SPINK5: variants seen among roughly 807,000 people sequenced by gnomAD.
SPINK5 encodes serine protease inhibitor Kazal-type 5.
Under a neutral mutation model 151.8 loss-of-function variants are expected in SPINK5, and 125 were observed. The observed-to-expected ratio is 0.82, with a 90% CI of 0.71 to 0.96. The LOEUF (loss-of-function observed/expected upper bound fraction) is 0.96. Ranked by LOEUF, SPINK5 falls within the 40% of genes least tolerant of loss-of-function variation. The pLI is 0.00. For missense variants in SPINK5, 1,194 were observed against 1,291.9 expected, an observed-to-expected ratio of 0.92 and a Z score of 1.16; for synonymous variants, 374 against 395.3, an observed-to-expected ratio of 0.95 and a Z score of 0.64.
chr5:148,108,492 A>T (rs1354922675), intron 17 of SPINK5, among the ~76,000 whole-genome samples: 1 of 152,154 alleles, frequency 6.6e-6, no homozygotes, highest in Admixed American at 6.6e-5. Flanking sequence ...TTAGCGACGT[A>T]CAAAAAATAA....
intron 29 of SPINK5, among the ~76,000 whole-genome samples, chr5:148,126,743 C>A (rs903925097): frequency 1.3e-5 from 2 of 152,048 alleles, no homozygotes; most frequent in African/African-American, 2.4e-5. Context: ...AGGTGTGCAC[C>A]ACCATGCCCA....
At chr5:148,133,971 G>T in intron 32 of SPINK5, 84 bp downstream of exon 32, 1 of 1,411,494 alleles carries the variant, frequency 7.1e-7, no homozygotes. Context: ...CTGAGTAATG[G>T]ACATTTATCT....
chr5:148,072,361 G>A (rs1241106689), intron 4 of SPINK5, 141 bp downstream of exon 4: 7 of 841,544 alleles, frequency 8.3e-6, no homozygotes, highest in Non-Finnish European at 1.2e-5. Context: ...GGTTAGTCCA[G>A]GGGTGGGCTA....
chr5:148,072,713 AT>A (rs66477964), intron 4 of SPINK5, among the ~76,000 whole-genome samples: 107,897 of 151,390 alleles, frequency 0.71, 39,071 homozygotes, highest in East Asian at 0.91. Context: ...CATTTGACTC[AT>A]TCTGTTTCCT....
At chr5:148,111,580 A>G (rs1753929275) in intron 18 of SPINK5, among the ~76,000 whole-genome samples, 188 bp from the exon 19 acceptor site, 1 of 152,216 alleles carries the variant, frequency 6.6e-6, no homozygotes, top group Non-Finnish European at 1.5e-5. Flanking sequence ...CTAATGAGAT[A>G]AATAACAGCA....
intron 11 of SPINK5, among the ~76,000 whole-genome samples, chr5:148,098,474 T>A (rs1753535589): frequency 8.2e-6 from 1 of 122,066 alleles, no homozygotes; most frequent in African/African-American, 2.6e-5. Context: ...CTTTCAAGAT[T>A]TACGATAGCT....
At chr5:148,118,312 C>T (rs1323794987) in intron 22 of SPINK5, 125 bp from the exon 23 acceptor site, 29 of 1,450,396 alleles carry the variant, frequency 2.0e-5, no homozygotes, top group East Asian at 7.1e-5. Flanking sequence ...CCACCGTACC[C>T]GGCAATGTTA....
At chr5:148,120,675 T>C (rs1243232021) in intron 26 of SPINK5, among the ~76,000 whole-genome samples, 1 of 152,190 alleles carries the variant, frequency 6.6e-6, no homozygotes, top group Non-Finnish European at 1.5e-5. Flanking sequence ...GGTCTTGCTG[T>C]TGCTCAGGAT....
At position 148,100,437 on chromosome 5, in the gene SPINK5, T is replaced by G; in HGVS notation, c.1093-17T>G. 1 of 1,608,686 alleles carries G rather than the reference T, an allele frequency of 6.2e-7. No individual in the cohort carries two copies. Among genetic ancestry groups the G allele is most frequent in the South Asian group, 1.1e-5 (1 of 90,994 alleles). On this transcript the variant is annotated splice_polypyrimidine_tract_variant and intron_variant, in intron 12 of 32. Transcript: ENST00000256084. ...GAAATGAAATATATGGCCAACTTACTTCTTCTATCTCGGCAGGAGCTTTGC... is the reference window on the plus strand; with the variant it reads ...GAAATGAAATATATGGCCAACTTACGTCTTCTATCTCGGCAGGAGCTTTGC...
At chr5:148,076,237 C>A (rs1028492764) in intron 4 of SPINK5, among the ~76,000 whole-genome samples, 8 of 151,640 alleles carry the variant, frequency 5.3e-5, no homozygotes, top group Non-Finnish European at 1.0e-4. Flanking sequence ...AAATCCTTAG[C>A]TGACCATTAA....
At chr5:148,117,837 G>A (rs1754136983) in intron 22 of SPINK5, among the ~76,000 whole-genome samples, 1 of 152,082 alleles carries the variant, frequency 6.6e-6, no homozygotes, top group African/African-American at 2.4e-5. Context: ...TGTACCAAGG[G>A]GAAACTGTAG....
chr5:148,078,402 C>T (rs1561676698), intron 4 of SPINK5, among the ~76,000 whole-genome samples: 3 of 150,868 alleles, frequency 2.0e-5, no homozygotes, highest in African/African-American at 4.8e-5. Flanking sequence ...TAAATATGAC[C>T]AAATAGAATA....
Position 148,070,328 on chromosome 5 carries a change from G to C in SPINK5, c.87G>C (p.Met29Ile). Reference sequence around the variant, plus strand: ...CTTTTTTGGCATTATCTTAGGAAATGTGCCATGAATTTCAGGCATTTATGA... The same window carrying C: ...CTTTTTTGGCATTATCTTAGGAAATCTGCCATGAATTTCAGGCATTTATGA... ...DAASKNEDQEMCHEFQAFMKN... is the reference protein window; with the variant it reads ...DAASKNEDQEICHEFQAFMKN... The change falls in exon 3 of 33, where the codon ATG becomes ATC. Residue 29 changes from methionine (M) to isoleucine (I), a missense_variant. Transcript: ENST00000256084. The C allele has an allele frequency of 6.2e-7, 1 of 1,612,238 alleles. No individual in the cohort carries two copies. The highest frequency in any genetic ancestry group is 8.5e-7 in the Non-Finnish European group (1 of 1,178,960).
At position 148,133,867 on chromosome 5, in the gene SPINK5, G is replaced by A. The variant is rs199498786; in HGVS notation, c.3166G>A (p.Ala1056Thr). The A allele has an allele frequency of 1.9e-5, 31 of 1,613,784 alleles. No homozygotes were observed. Among genetic ancestry groups the A allele is most frequent in the African/African-American group, 6.7e-5 (5 of 74,886 alleles). Reference sequence around the variant, plus strand: ...GGAGAGCAGCACCCCAGGAACCACCGCAGCCAGCATGCCCCCGTCTGTAAG... The same window carrying A: ...GGAGAGCAGCACCCCAGGAACCACCACAGCCAGCATGCCCCCGTCTGTAAG... ...CEESSTPGTT[A>T]ASMPPSDE The change falls in exon 32 of 33, where the codon GCA (alanine) becomes ACA (threonine). Residue 1056 changes from alanine to threonine, a missense_variant. Coordinates refer to ENST00000256084, the MANE Select transcript of SPINK5 (RefSeq NM_006846.4).
intron 28 of SPINK5, 39 bp downstream of exon 28, chr5:148,124,876 T>C (rs1477026241): frequency 1.2e-5 from 19 of 1,539,314 alleles, no homozygotes; most frequent in Non-Finnish European, 1.7e-5. Flanking sequence ...CATTTTACTT[T>C]TCACCTTCAG....
intron 2 of SPINK5, among the ~76,000 whole-genome samples, chr5:148,068,988 C>T (rs1175180854): frequency 6.6e-6 from 1 of 151,940 alleles, no homozygotes; most frequent in Non-Finnish European, 1.5e-5. Context: ...GTAATCCCAG[C>T]TACTCAGGGG....
At chr5:148,092,889 T>C (rs992026868) in intron 8 of SPINK5, among the ~76,000 whole-genome samples, 1 of 151,932 alleles carries the variant, frequency 6.6e-6, no homozygotes, top group Non-Finnish European at 1.5e-5. Flanking sequence ...TTTGAATTAT[T>C]TTTTAAAAAA....
intron 2 of SPINK5, among the ~76,000 whole-genome samples, chr5:148,068,043 G>A (rs1752630497): frequency 1.3e-5 from 2 of 151,988 alleles, no homozygotes; most frequent in East Asian, 1.9e-4. Flanking sequence ...AAGACCCCAG[G>A]CTCTTCTCTG....
chr5:148,089,353 C>G, intron 6 of SPINK5, 141 bp from the exon 7 acceptor site: 8 of 1,060,084 alleles, frequency 7.5e-6, no homozygotes, highest in Non-Finnish European at 1.2e-5. Context: ...AGAGTACTTA[C>G]TGAGCTACAT....
Sources: gnomAD v4.1 joint callset for allele counts (sites outside exome capture counted in the v4.1 genomes callset) on GRCh38, gnomAD v4.1.1 for gene constraint, MANE v1.5 for transcripts, NCBI Gene and HGNC (gene_info 2026-07-23, HGNC 2026-07-21) for gene names.